GALNT13: variants seen among roughly 807,000 people sequenced by gnomAD.
GALNT13 encodes the protein UDP-GalNAc:polypeptide N-acetylgalactosaminyltransferase 13.
Under a neutral mutation model 64.2 loss-of-function variants are expected in GALNT13, and 28 were observed. That is an observed-to-expected ratio of 0.44 (90% CI 0.32 to 0.60). GALNT13 has a LOEUF of 0.60. GALNT13 is among the 20% of genes least tolerant of loss of function. The pLI is 0.05. For missense variants in GALNT13, 577 were observed against 669.8 expected, an observed-to-expected ratio of 0.86 and a Z score of 1.53; for synonymous variants, 214 against 224.6, an observed-to-expected ratio of 0.95 and a Z score of 0.42.
At chr2:153,859,093 T>C in the GALNT13 span, among the ~76,000 whole-genome samples, 131,916 of 152,106 alleles carry the variant, frequency 0.87, 58,205 homozygotes, top group Non-Finnish European at 0.94. Context: ...ACGCAACCAT[T>C]GGAGGTCTTG....
intron 3 of GALNT13, among the ~76,000 whole-genome samples, chr2:153,959,854 G>A (rs1020060061): frequency 2.0e-5 from 3 of 152,018 alleles, no homozygotes; most frequent in African/African-American, 7.2e-5. Flanking sequence ...TTACTGCTGG[G>A]GTGGGAGAGG....
chr2:153,108,569 G>A, the GALNT13 span, among the ~76,000 whole-genome samples: 3 of 152,056 alleles, frequency 2.0e-5, no homozygotes, highest in South Asian at 2.1e-4. Context: ...TACAATATAT[G>A]TTTACACATA....
the GALNT13 span, among the ~76,000 whole-genome samples, chr2:153,613,008 C>T: frequency 6.6e-6 from 1 of 152,018 alleles, no homozygotes; most frequent in Non-Finnish European, 1.5e-5. Context: ...GTTAAGCTGC[C>T]AAATAACTAT....
the GALNT13 span, among the ~76,000 whole-genome samples, chr2:153,347,407 C>T: frequency 6.6e-6 from 1 of 152,152 alleles, no homozygotes; most frequent in South Asian, 2.1e-4. Context: ...TCAGACTTCA[C>T]TTAAGTCACA....
chr2:153,184,496 T>C, the GALNT13 span, among the ~76,000 whole-genome samples: 2 of 152,348 alleles, frequency 1.3e-5, no homozygotes, highest in East Asian at 3.9e-4. Flanking sequence ...GGCCAGAACA[T>C]CCAATATTAT....
At chr2:153,254,046 C>A in the GALNT13 span, among the ~76,000 whole-genome samples, 2 of 152,136 alleles carry the variant, frequency 1.3e-5, no homozygotes, top group African/African-American at 4.8e-5. Context: ...AGGAATGGTA[C>A]CAGTTCCTCC....
chr2:153,168,253 C>T, the GALNT13 span, among the ~76,000 whole-genome samples: 1 of 152,108 alleles, frequency 6.6e-6, no homozygotes. Context: ...TTCTAAATTC[C>T]TTTGGAAATA....
the GALNT13 span, among the ~76,000 whole-genome samples, chr2:153,459,394 T>A: frequency 2.0e-5 from 3 of 151,962 alleles, no homozygotes; most frequent in Admixed American, 6.6e-5. Flanking sequence ...AGAGGGAGGA[T>A]CCACTGAGCC....
intron 8 of GALNT13, among the ~76,000 whole-genome samples, chr2:154,269,906 G>GTGTATATATATATATATATATATATA (rs529424469): frequency 0.038 from 3,629 of 96,602 alleles, 332 homozygotes; most frequent in Non-Finnish European, 0.056. Context: ...ATATATATGT[G>GTGTATATATATATATATATATATATA]TATATATATA....
the GALNT13 span, among the ~76,000 whole-genome samples, chr2:153,084,055 G>C: frequency 8.0e-4 from 122 of 152,220 alleles, no homozygotes; most frequent in Non-Finnish European, 1.3e-3. Context: ...GTAAGAATTT[G>C]GCTTTATTTC....
At chr2:153,600,127 G>T in the GALNT13 span, among the ~76,000 whole-genome samples, 3 of 151,962 alleles carry the variant, frequency 2.0e-5, no homozygotes. Context: ...AACCATAGAG[G>T]CCAGGGGGCA....
At chr2:154,152,907 G>A (rs186670283) in intron 4 of GALNT13, among the ~76,000 whole-genome samples, 17 of 152,102 alleles carry the variant, frequency 1.1e-4, no homozygotes, top group East Asian at 9.7e-4. Flanking sequence ...TAGTTTGATC[G>A]TCTGAAGCCT....
chr2:154,262,342 A>C (rs1291192899), intron 8 of GALNT13, among the ~76,000 whole-genome samples: 1 of 152,178 alleles, frequency 6.6e-6, no homozygotes, highest in East Asian at 1.9e-4. Flanking sequence ...AGGAGAAAGA[A>C]AGACGCTAAC....
At chr2:153,291,737 T>C in the GALNT13 span, among the ~76,000 whole-genome samples, 4 of 61,740 alleles carry the variant, frequency 6.5e-5, no homozygotes, top group Admixed American at 2.4e-4. Flanking sequence ...CTACTTGTGT[T>C]CAAAAGGAAA....
chr2:154,027,211 A>C (rs983295353), intron 3 of GALNT13, among the ~76,000 whole-genome samples: 5 of 152,152 alleles, frequency 3.3e-5, no homozygotes. Context: ...ATATTCACTC[A>C]TTCCTCACCT....
intron 8 of GALNT13, among the ~76,000 whole-genome samples, chr2:154,299,594 A>G (rs1693302131): frequency 6.7e-6 from 1 of 150,002 alleles, no homozygotes; most frequent in Non-Finnish European, 1.5e-5. Flanking sequence ...AGCTGGGACT[A>G]CAGGCGCCCG....
intron 2 of GALNT13, among the ~76,000 whole-genome samples, chr2:153,901,727 C>CTTATATTCAGTGTCAATAGAACCA (rs1688248310): frequency 1.3e-5 from 2 of 152,016 alleles, no homozygotes; most frequent in African/African-American, 4.8e-5. Flanking sequence ...TAAGAATTGC[C>CTTATATTCAGTGTCAATAGAACCA]TTATATTCAG....
the GALNT13 span, among the ~76,000 whole-genome samples, chr2:153,544,565 T>G: frequency 3.3e-5 from 5 of 152,218 alleles, no homozygotes; most frequent in African/African-American, 1.2e-4. Context: ...TCTTAAAAGA[T>G]CACTTACAAA....
chr2:153,152,995 C>T, the GALNT13 span, among the ~76,000 whole-genome samples: 1 of 152,178 alleles, frequency 6.6e-6, no homozygotes. Flanking sequence ...CTGCCTTCCA[C>T]AATGGTTGAA....
Sources: gnomAD v4.1 joint callset for allele counts (sites outside exome capture counted in the v4.1 genomes callset) on GRCh38, gnomAD v4.1.1 for gene constraint, MANE v1.5 for transcripts, NCBI Gene and HGNC (gene_info 2026-07-23, HGNC 2026-07-21) for gene names.